The following PPP2R2B variants were observed in gnomAD, a reference collection of about 807,000 sequenced individuals.
The protein encoded by PPP2R2B is serine/threonine-protein phosphatase 2A 55 kDa regulatory subunit B beta isoform.
PPP2R2B carries 5 observed loss-of-function variants against 46.0 expected under a neutral mutation model. The ratio of observed to expected loss-of-function variants is 0.11; its 90% CI spans 0.06 to 0.23. The LOEUF is 0.23. Among genes scored for constraint, PPP2R2B ranks in the 10% least tolerant of loss-of-function variants. PPP2R2B has a pLI of 1.00. For synonymous variants in PPP2R2B, 215 were observed against 206.7 expected (o/e 1.04, Z -0.34); for missense variants, 367 against 575.0 (o/e 0.64, Z 3.70).
At chr5:146,992,413 T>C (rs1243269024) in intron 1 of PPP2R2B, among the ~76,000 whole-genome samples, 1 of 152,240 alleles carries the variant, frequency 6.6e-6, no homozygotes, top group Non-Finnish European at 1.5e-5. Flanking sequence ...TAATACCTGA[T>C]GCAAAATCCA....
chr5:146,701,250 G>A (rs752579757), intron 2 of PPP2R2B, 108 bp from the exon 3 acceptor site: 26 of 1,006,234 alleles, frequency 2.6e-5, no homozygotes, highest in Non-Finnish European at 4.0e-5. Flanking sequence ...CTTTGTCTCT[G>A]CAGTGGAATT....
intron 1 of PPP2R2B, among the ~76,000 whole-genome samples, chr5:146,951,822 T>C (rs922970540): frequency 6.6e-6 from 1 of 152,110 alleles, no homozygotes; most frequent in Non-Finnish European, 1.5e-5. Context: ...AATGAACCTA[T>C]GCATACATGT....
intron 7 of PPP2R2B, among the ~76,000 whole-genome samples, chr5:146,619,977 G>A (rs1017391964): frequency 1.3e-5 from 2 of 152,112 alleles, no homozygotes; most frequent in Non-Finnish European, 2.9e-5. Context: ...TTAGGGAATT[G>A]GCCCCACAGA....
intron 2 of PPP2R2B, among the ~76,000 whole-genome samples, chr5:146,862,766 T>A (rs1388205326): frequency 4.9e-4 from 22 of 45,270 alleles, no homozygotes; most frequent in African/African-American, 3.5e-3. Context: ...AAAGTAAATT[T>A]TTTTTTTTTT....
intron 1 of PPP2R2B, among the ~76,000 whole-genome samples, chr5:146,921,233 T>C (rs1252776173): frequency 2.0e-5 from 3 of 152,332 alleles, no homozygotes; most frequent in East Asian, 1.9e-4. Context: ...AATGTTCACA[T>C]AGTAATTACC....
intron 1 of PPP2R2B, among the ~76,000 whole-genome samples, chr5:147,003,894 C>T (rs112698243): frequency 0.24 from 36,769 of 152,008 alleles, 4,903 homozygotes; most frequent in African/African-American, 0.34. Context: ...CCAACTCACT[C>T]GAGGGTCAAT....
Position 146,701,162 on chromosome 5 carries a change from G to T in PPP2R2B, c.71-20C>A. The T allele has an allele frequency of 6.4e-7, 1 of 1,568,306 alleles. No homozygotes were observed. The highest frequency in any genetic ancestry group is 8.8e-7 in the Non-Finnish European group (1 of 1,138,424). ...TGTCAGCTGCAAAGAAGAAGACAAA[G>T]GCAATTTAAGTAACTGCACACTTAC... is the stretch of plus-strand genomic sequence containing the variant. On this transcript the variant is annotated intron_variant, in intron 2 of 9. Coordinates refer to ENST00000394411, the MANE Select transcript of PPP2R2B (RefSeq NM_181675.4).
At chr5:146,899,204 G>A (rs1404789023) in intron 1 of PPP2R2B, among the ~76,000 whole-genome samples, 9 of 144,548 alleles carry the variant, frequency 6.2e-5, no homozygotes, top group Admixed American at 4.9e-4. Context: ...ATTCACAATA[G>A]CAAAGACTTG....
chr5:146,842,662 C>T (rs987204331), intron 2 of PPP2R2B, among the ~76,000 whole-genome samples: 16 of 152,028 alleles, frequency 1.1e-4, no homozygotes, highest in Non-Finnish European at 1.6e-4. Context: ...CTCTGGTAGG[C>T]CCCAGTGTGT....
At chr5:146,854,981 AT>A (rs1383412607) in intron 2 of PPP2R2B, among the ~76,000 whole-genome samples, 9 of 152,112 alleles carry the variant, frequency 5.9e-5, no homozygotes, top group African/African-American at 1.4e-4. Flanking sequence ...AAATACTTCC[AT>A]TTTTTTTCTC....
intron 2 of PPP2R2B, among the ~76,000 whole-genome samples, chr5:146,738,621 C>T (rs1458728355): frequency 6.6e-6 from 1 of 152,136 alleles, no homozygotes; most frequent in Non-Finnish European, 1.5e-5. Flanking sequence ...GGTTGAACAA[C>T]TCCTAGTTAA....
chr5:146,721,804 T>A (rs1357787587), intron 2 of PPP2R2B, among the ~76,000 whole-genome samples: 1 of 152,224 alleles, frequency 6.6e-6, no homozygotes, highest in Non-Finnish European at 1.5e-5. Context: ...CGCATACCTC[T>A]TAAGTAGCTC....
intron 2 of PPP2R2B, among the ~76,000 whole-genome samples, chr5:147,070,095 A>G (rs1363677248): frequency 6.6e-6 from 1 of 151,910 alleles, no homozygotes; most frequent in African/African-American, 2.4e-5. Flanking sequence ...GGCCCATTTT[A>G]TATTCTTTAT....
chr5:146,966,335 C>T lies in PPP2R2B; in HGVS notation c.79+89330G>A, dbSNP rs200812354. Among the ~76,000 whole-genome samples the T allele has an allele frequency of 4.8e-4, 73 of 152,290 alleles. 2 individuals carry two copies. In the East Asian group the frequency reaches 5.8e-3, roughly 12 times the overall value. ...AAGAGGCTGTTGTGTCCATCTTGTC[C>T]ACACTGATTTCAGCTTGTTGACTTG... On this transcript the variant is annotated intron_variant, in intron 1 of 8. Transcript: ENST00000336640.
intron 2 of PPP2R2B, among the ~76,000 whole-genome samples, chr5:146,838,585 G>GA (rs1408268251): frequency 7.4e-6 from 1 of 134,390 alleles, no homozygotes; most frequent in Admixed American, 7.5e-5. Context: ...AAAAAAAAAA[G>GA]AAAAAAAAGA....
At chr5:146,675,521 T>C (rs796870630) in intron 5 of PPP2R2B, among the ~76,000 whole-genome samples, 7 of 152,318 alleles carry the variant, frequency 4.6e-5, no homozygotes, top group African/African-American at 1.4e-4. Flanking sequence ...ATGATTGTTA[T>C]GGCAATTACA....
intron 2 of PPP2R2B, among the ~76,000 whole-genome samples, chr5:146,854,237 T>C (rs1277207749): frequency 1.3e-5 from 2 of 152,160 alleles, no homozygotes; most frequent in Non-Finnish European, 2.9e-5. Flanking sequence ...AGGCTTCATG[T>C]CTTATACTGC....
intron 1 of PPP2R2B, among the ~76,000 whole-genome samples, chr5:146,926,741 T>C (rs1582441270): frequency 6.6e-6 from 1 of 152,226 alleles, no homozygotes; most frequent in South Asian, 2.1e-4. Flanking sequence ...GTCTGATATC[T>C]GCTGGACCTT....
chr5:146,936,525 A>C (rs1764147096), intron 1 of PPP2R2B, among the ~76,000 whole-genome samples: 2 of 148,950 alleles, frequency 1.3e-5, no homozygotes, highest in Non-Finnish European at 3.0e-5. Context: ...AAAAAAAAAA[A>C]AAAGAAAAAA....
Sources: gnomAD v4.1 joint callset for allele counts (sites outside exome capture counted in the v4.1 genomes callset) on GRCh38, gnomAD v4.1.1 for gene constraint, MANE v1.5 for transcripts, NCBI Gene and HGNC (gene_info 2026-07-23, HGNC 2026-07-21) for gene names.